NRXN3: variants seen among roughly 807,000 people sequenced by gnomAD.
The protein encoded by NRXN3 is neurexin III.
A neutral mutation model predicts 137.6 loss-of-function variants in NRXN3; 32 were observed. The ratio of observed to expected loss-of-function variants is 0.23; its 90% CI spans 0.18 to 0.31. NRXN3 has a LOEUF of 0.31. Among genes scored for constraint, NRXN3 ranks in the 10% least tolerant of loss-of-function variants. The pLI, the probability that NRXN3 is intolerant of heterozygous loss-of-function variation, is 1.00. For synonymous variants in NRXN3, 798 were observed against 784.5 expected, an observed-to-expected ratio of 1.02 and a Z score of -0.29; for missense variants, 1,574 against 2,062.5, an observed-to-expected ratio of 0.76 and a Z score of 4.59.
chr14:78,958,839 CT>C lies in NRXN3; in HGVS notation c.2395+1479del, dbSNP rs139834438. 3.9e-4 allele frequency among the ~76,000 whole-genome samples: 59 copies of C among 152,292 alleles called. No homozygotes were observed. In the East Asian group the frequency reaches 0.01, roughly 27 times the overall value. On this transcript the variant is annotated intron_variant, in intron 11 of 20. Coordinates refer to ENST00000335750, the MANE Select transcript of NRXN3 (RefSeq NM_001330195.2). Reference sequence around the variant, plus strand: ...CAGGACGTTAGGAAAGTTAACATTCCTGGGCCTTGTCAAATGCAGTCAGTGG... The same window carrying C: ...CAGGACGTTAGGAAAGTTAACATTCCGGGCCTTGTCAAATGCAGTCAGTGG...
At chr14:79,430,299 T>C (rs549104662) in intron 15 of NRXN3, among the ~76,000 whole-genome samples, 1 of 152,326 alleles carries the variant, frequency 6.6e-6, no homozygotes, top group South Asian at 2.1e-4. Flanking sequence ...ATTTTGCTGT[T>C]CTGGAGTCTA....
At chr14:79,631,819 ATC>A (rs1212279562) in intron 16 of NRXN3, among the ~76,000 whole-genome samples, 5 of 151,406 alleles carry the variant, frequency 3.3e-5, no homozygotes, top group Admixed American at 1.3e-4. Flanking sequence ...CATCTAGCTA[ATC>A]AGGTAGGGGA....
At chr14:79,690,498 AT>A (rs2098712602) in intron 17 of NRXN3, among the ~76,000 whole-genome samples, 2 of 152,026 alleles carry the variant, frequency 1.3e-5, no homozygotes, top group African/African-American at 4.8e-5. Context: ...TTCCTATTGC[AT>A]TTTATTTTTC....
intron 8 of NRXN3, among the ~76,000 whole-genome samples, chr14:78,757,426 T>G (rs1305964921): frequency 1.7e-5 from 2 of 115,192 alleles, no homozygotes; most frequent in Admixed American, 7.5e-5. Flanking sequence ...AAAAAAAGGA[T>G]TCTGCATGAC....
intron 4 of NRXN3, among the ~76,000 whole-genome samples, chr14:78,318,458 G>A (rs1280902580): frequency 6.6e-6 from 1 of 152,184 alleles, no homozygotes; most frequent in Non-Finnish European, 1.5e-5. Flanking sequence ...AGTCTCAAGT[G>A]TGTTTTTAAC....
chr14:79,236,780 T>A (rs751080972), intron 15 of NRXN3, among the ~76,000 whole-genome samples: 50 of 151,988 alleles, frequency 3.3e-4, no homozygotes, highest in Non-Finnish European at 4.1e-4. Flanking sequence ...CCAGGCATGG[T>A]GGCACACGCA....
At chr14:78,647,838 C>T (rs1455314734) in intron 5 of NRXN3, among the ~76,000 whole-genome samples, 1 of 152,024 alleles carries the variant, frequency 6.6e-6, no homozygotes, top group African/African-American at 2.4e-5. Flanking sequence ...TTTGAGTTCC[C>T]TGGGATACAT....
At chr14:79,543,025 G>A (rs2097288326) in intron 16 of NRXN3, among the ~76,000 whole-genome samples, 1 of 152,132 alleles carries the variant, frequency 6.6e-6, no homozygotes, top group African/African-American at 2.4e-5. Flanking sequence ...TCAGTTGAAA[G>A]GACATATTTT....
rs568150411 is a variant in NRXN3 at position 78,237,729 on chromosome 14, C to T, written c.-703-4662C>T. Among the ~76,000 whole-genome samples, 13 of 152,292 alleles carry T rather than the reference C, an allele frequency of 8.5e-5. No individual in the cohort carries two copies. In the South Asian group the frequency reaches 2.7e-3, roughly 32 times the overall value. On this transcript the variant is annotated intron_variant, in intron 1 of 20. Transcript: ENST00000335750. Reference sequence around the variant, plus strand: ...TGATTTGGGATTGGGATGAACCTCACCTTGAATGACACAGAACGAGATTGG... The same window carrying T: ...TGATTTGGGATTGGGATGAACCTCATCTTGAATGACACAGAACGAGATTGG...
chr14:78,315,921 A>G (rs1198530853), intron 4 of NRXN3, among the ~76,000 whole-genome samples: 1 of 152,200 alleles, frequency 6.6e-6, no homozygotes, highest in Non-Finnish European at 1.5e-5. Flanking sequence ...GTTTGTAGAT[A>G]TATCTTAATC....
At chr14:79,454,076 T>A (rs1280460945) in intron 15 of NRXN3, among the ~76,000 whole-genome samples, 2 of 151,962 alleles carry the variant, frequency 1.3e-5, no homozygotes. Context: ...CTTTGAAAAA[T>A]TGATATGGAA....
intron 10 of NRXN3, among the ~76,000 whole-genome samples, chr14:78,842,100 G>T (rs1449864504): frequency 6.6e-6 from 1 of 152,054 alleles, no homozygotes; most frequent in African/African-American, 2.4e-5. Flanking sequence ...TTTGTACACT[G>T]AATTGTACCT....
At chr14:79,091,499 T>C (rs1355240320) in intron 15 of NRXN3, among the ~76,000 whole-genome samples, 1 of 152,134 alleles carries the variant, frequency 6.6e-6, no homozygotes, top group Non-Finnish European at 1.5e-5. Context: ...TTCCAGCTGA[T>C]TTGACCGAAG....
Position 79,365,581 on chromosome 14 carries a change from C to T in NRXN3, c.3263-101640C>T, listed in dbSNP as rs1282900430. Among the ~76,000 whole-genome samples, 4 of 150,468 alleles carry T rather than the reference C, an allele frequency of 2.7e-5. No individual in the cohort carries two copies. The South Asian group carries it at 6.4e-4, about 24-fold the overall frequency. On this transcript the variant is annotated intron_variant, in intron 15 of 20. Transcript: ENST00000335750. ...AAAAATATAAAAAATTAGCCGGGCG[C>T]GGTGGCGGGCGCCTGTAGTCCCAGC...
Position 79,191,327 on chromosome 14 carries a change from A to T in NRXN3, c.3262+203186A>T, listed in dbSNP as rs1366925286. Among the ~76,000 whole-genome samples, 4 of 152,310 alleles carry T rather than the reference A, an allele frequency of 2.6e-5. No homozygotes were observed. The East Asian group carries it at 7.7e-4, about 29-fold the overall frequency. On this transcript the variant is annotated intron_variant, in intron 15 of 20. Transcript: ENST00000335750. ...GTAGCCAGAGCAGGAGTGCCTCAGA[A>T]ATTGATGATAGATGAAGACAATTTA...
intron 2 of NRXN3, among the ~76,000 whole-genome samples, chr14:78,267,680 T>A (rs1247170163): frequency 6.6e-6 from 1 of 152,154 alleles, no homozygotes; most frequent in Non-Finnish European, 1.5e-5. Flanking sequence ...AATAAAAGAT[T>A]TCTCTCCACT....
chr14:78,802,206 C>T (rs17108254), intron 8 of NRXN3, among the ~76,000 whole-genome samples: 14,379 of 152,222 alleles, frequency 0.094, 1,035 homozygotes, highest in African/African-American at 0.18. Context: ...AGCCCCTGGA[C>T]TTGGTATCAG....
chr14:79,427,935 A>G (rs1041795597), intron 15 of NRXN3, among the ~76,000 whole-genome samples: 1 of 152,152 alleles, frequency 6.6e-6, no homozygotes, highest in Non-Finnish European at 1.5e-5. Flanking sequence ...CCTGAGTGCT[A>G]CATCGAGAGA....
At chr14:79,048,021 A>G (rs1385881226) in intron 15 of NRXN3, among the ~76,000 whole-genome samples, 1 of 152,220 alleles carries the variant, frequency 6.6e-6, no homozygotes, top group East Asian at 1.9e-4. Flanking sequence ...CAAGACAGGT[A>G]TCCATCAAGA....
Sources: gnomAD v4.1 joint callset for allele counts (sites outside exome capture counted in the v4.1 genomes callset) on GRCh38, gnomAD v4.1.1 for gene constraint, MANE v1.5 for transcripts, NCBI Gene and HGNC (gene_info 2026-07-23, HGNC 2026-07-21) for gene names.